Variants in MMP26 observed in about 807,000 individuals in gnomAD.
The protein encoded by MMP26 is matrix metallopeptidase 26.
In MMP26, 33 loss-of-function variants were observed where a neutral mutation model predicts 31.0. The observed-to-expected ratio is 1.06, with a 90% CI of 0.81 to 1.42. The LOEUF is 1.42. MMP26 is among the 40% of genes most tolerant of loss of function. The pLI is 0.00. For synonymous variants in MMP26, 122 were observed against 114.9 expected (o/e 1.06, Z -0.40); for missense variants, 347 against 316.1 (o/e 1.10, Z -0.74).
At chr11:4,904,316 T>C (rs1394132625) in intron 2 of MMP26, among the ~76,000 whole-genome samples, 1 of 152,094 alleles carries the variant, frequency 6.6e-6, no homozygotes, top group Non-Finnish European at 1.5e-5. Context: ...CCAAGGTGTT[T>C]GTGCGTTAGC....
chr11:4,815,620 A>G lies in MMP26; in HGVS notation c.-145+48279A>G, dbSNP rs187046652. On this transcript the variant is annotated intron_variant, in intron 2 of 7. Transcript: ENST00000380390. ...AGACAGGGAACACAGCAAATTTATC[A>G]TTTATGTACTTTTTTTGGAATGAAA... Among the ~76,000 whole-genome samples the G allele has an allele frequency of 1.8e-3, 276 of 152,290 alleles. 1 individual carries two copies. Among genetic ancestry groups the G allele is most frequent in the African/African-American group, 6.1e-3 (253 of 41,558 alleles).
At chr11:4,838,557 C>T (rs1849752442) in intron 2 of MMP26, among the ~76,000 whole-genome samples, 1 of 151,846 alleles carries the variant, frequency 6.6e-6, no homozygotes, top group Non-Finnish European at 1.5e-5. Context: ...GAAGACAACT[C>T]TAATACTCAC....
intron 2 of MMP26, among the ~76,000 whole-genome samples, chr11:4,815,471 C>T (rs546960550): frequency 6.6e-6 from 1 of 152,140 alleles, no homozygotes; most frequent in South Asian, 2.1e-4. Context: ...GCAGGTTTAC[C>T]TGACACAGTT....
At chr11:4,876,962 T>A (rs1850388274) in intron 2 of MMP26, 1 of 154,690 alleles carries the variant, frequency 6.5e-6, no homozygotes, top group African/African-American at 2.4e-5. Context: ...TGCACTATGC[T>A]ACAATTCTCA....
At chr11:4,760,021 G>A (rs890213406) in intron 1 of MMP26, among the ~76,000 whole-genome samples, 4 of 152,162 alleles carry the variant, frequency 2.6e-5, no homozygotes, top group Admixed American at 1.3e-4. Context: ...GAGCACAAAG[G>A]CCTTATTCTT....
chr11:4,861,842 C>A (rs1352933377), intron 2 of MMP26, among the ~76,000 whole-genome samples: 1 of 152,022 alleles, frequency 6.6e-6, no homozygotes, highest in East Asian at 1.9e-4. Flanking sequence ...CTCATTTATT[C>A]ATCTCAAGCA....
chr11:4,783,858 T>C (rs570084362), intron 2 of MMP26, among the ~76,000 whole-genome samples: 1 of 152,296 alleles, frequency 6.6e-6, no homozygotes, highest in African/African-American at 2.4e-5. Flanking sequence ...CTGCCATCCA[T>C]GTAAGATGTG....
At chr11:4,838,648 C>G (rs1489716437) in intron 2 of MMP26, among the ~76,000 whole-genome samples, 2 of 152,030 alleles carry the variant, frequency 1.3e-5, no homozygotes, top group South Asian at 4.1e-4. Context: ...TGAATTAAAT[C>G]CATACTAGTG....
At chr11:4,955,442 G>T (rs769191701) in intron 2 of MMP26, 2 of 1,180,338 alleles carry the variant, frequency 1.7e-6, no homozygotes, top group South Asian at 2.6e-5. Flanking sequence ...AGTTTCAGGG[G>T]CATTGAACAG....
intron 1 of MMP26, among the ~76,000 whole-genome samples, chr11:4,716,537 ATTATAT>A (rs938282489): frequency 1.3e-5 from 2 of 151,574 alleles, no homozygotes; most frequent in Non-Finnish European, 2.9e-5. Context: ...GTTGTTTTTA[ATTATAT>A]TTAGATTGAG....
At chr11:4,959,383 A>C (rs193261515) in intron 2 of MMP26, among the ~76,000 whole-genome samples, 2 of 152,242 alleles carry the variant, frequency 1.3e-5, no homozygotes, top group East Asian at 3.9e-4. Flanking sequence ...TGGGTATAGG[A>C]TGTGTCTTCC....
chr11:4,850,739 A>T (rs1437407177), intron 2 of MMP26, among the ~76,000 whole-genome samples: 30 of 151,872 alleles, frequency 2.0e-4, no homozygotes, highest in Admixed American at 2.0e-3. Flanking sequence ...ATAAAATATA[A>T]CTTTCAAGCT....
chr11:4,803,439 G>C (rs200172846), intron 2 of MMP26: 99 of 1,599,240 alleles, frequency 6.2e-5, no homozygotes, highest in Non-Finnish European at 8.5e-6. Context: ...TTGCTCAGGG[G>C]ATGTTTCCAC....
chr11:4,733,474 G>T (rs1374598652), intron 1 of MMP26, among the ~76,000 whole-genome samples: 6 of 151,844 alleles, frequency 4.0e-5, no homozygotes, highest in African/African-American at 1.5e-4. Flanking sequence ...GTTTTAGATT[G>T]TTCATTTTTA....
intron 2 of MMP26, among the ~76,000 whole-genome samples, chr11:4,784,591 C>T (rs1848909534): frequency 6.6e-6 from 1 of 152,124 alleles, no homozygotes; most frequent in Admixed American, 6.5e-5. Flanking sequence ...AGCCACATGC[C>T]AAGAAAGATC....
intron 2 of MMP26, chr11:4,849,168 G>T: frequency 6.2e-7 from 1 of 1,613,624 alleles, no homozygotes; most frequent in Non-Finnish European, 8.5e-7. Flanking sequence ...GGCCATTGAA[G>T]TGCTGCTATT....
intron 1 of MMP26, among the ~76,000 whole-genome samples, chr11:4,759,060 G>A (rs1269517833): frequency 5.9e-5 from 8 of 134,948 alleles, no homozygotes; most frequent in East Asian, 2.2e-4. Context: ...GCACTGAGCC[G>A]AGATCATGCC....
At chr11:4,829,426 T>C (rs1455121316) in intron 2 of MMP26, among the ~76,000 whole-genome samples, 1 of 152,198 alleles carries the variant, frequency 6.6e-6, no homozygotes, top group African/African-American at 2.4e-5. Flanking sequence ...TTCAGGCCAA[T>C]AGTATTTTGC....
At chr11:4,861,282 T>C (rs897457148) in intron 2 of MMP26, among the ~76,000 whole-genome samples, 6 of 150,562 alleles carry the variant, frequency 4.0e-5, no homozygotes, top group African/African-American at 1.2e-4. Context: ...TACATGCAGA[T>C]ACATACAGTT....
Sources: gnomAD v4.1 joint callset for allele counts (sites outside exome capture counted in the v4.1 genomes callset) on GRCh38, gnomAD v4.1.1 for gene constraint, MANE v1.5 for transcripts, NCBI Gene and HGNC (gene_info 2026-07-23, HGNC 2026-07-21) for gene names.